RUNDC3B: variants seen among roughly 807,000 people sequenced by gnomAD.
RUNDC3B encodes the protein RUN domain-containing protein 3B.
In RUNDC3B, 33 loss-of-function variants were observed where a neutral mutation model predicts 58.4. That is an observed-to-expected ratio of 0.56 (90% CI 0.43 to 0.75). The LOEUF is 0.75. Among genes scored for constraint, RUNDC3B ranks in the 30% least tolerant of loss-of-function variants. The probability of loss-of-function intolerance (pLI) is 0.00; values close to 1 mark genes in which losing one functional copy is unlikely to be tolerated. For synonymous variants in RUNDC3B, 193 were observed against 195.2 expected, an observed-to-expected ratio of 0.99 and a Z score of 0.10; for missense variants, 501 against 535.7, an observed-to-expected ratio of 0.94 and a Z score of 0.64.
intron 2 of RUNDC3B, among the ~76,000 whole-genome samples, chr7:87,695,301 A>G (rs1828403394): frequency 2.0e-5 from 3 of 152,108 alleles, no homozygotes; most frequent in Admixed American, 2.0e-4. Context: ...TTTTTAAAGG[A>G]AAAGTTTCTG....
intron 4 of RUNDC3B, among the ~76,000 whole-genome samples, chr7:87,714,119 C>A (rs187658098): frequency 4.6e-5 from 7 of 152,232 alleles, no homozygotes; most frequent in Admixed American, 4.6e-4. Flanking sequence ...TAACCAAAAT[C>A]TTTTAAGAGT....
rs75906830 is a variant in RUNDC3B at position 87,798,844 on chromosome 7, T to C, written c.957-8529T>C. On this transcript the variant is annotated intron_variant, in intron 8 of 10. Transcript: ENST00000394654. ...TGGGCAAGAATATTTCATTGGTAAA[T>C]AGGTAAATAGCATAATTTTTGGACA... Among the ~76,000 whole-genome samples, 411 of 152,306 alleles carry C rather than the reference T, an allele frequency of 2.7e-3. 2 individuals carry two copies. The highest frequency in any genetic ancestry group is 9.4e-3 in the African/African-American group (392 of 41,554).
chr7:87,818,092 C>T (rs1050971646), intron 10 of RUNDC3B, among the ~76,000 whole-genome samples: 1 of 151,892 alleles, frequency 6.6e-6, no homozygotes, highest in African/African-American at 2.4e-5. Context: ...CTGTCATAAT[C>T]CATAATGAGT....
intron 10 of RUNDC3B, among the ~76,000 whole-genome samples, chr7:87,818,211 C>G (rs1341094489): frequency 6.6e-6 from 1 of 151,964 alleles, no homozygotes; most frequent in African/African-American, 2.4e-5. Context: ...ATTTTGATAT[C>G]AACAGGACAA....
intron 2 of RUNDC3B, among the ~76,000 whole-genome samples, chr7:87,655,483 C>G (rs546850831): frequency 1.1e-4 from 16 of 152,104 alleles, no homozygotes; most frequent in African/African-American, 2.7e-4. Flanking sequence ...AAGACAAATA[C>G]TGCATGACTT....
At chr7:87,817,877 G>A (rs1837156784) in intron 10 of RUNDC3B, among the ~76,000 whole-genome samples, 1 of 152,098 alleles carries the variant, frequency 6.6e-6, no homozygotes, top group African/African-American at 2.4e-5. Context: ...AACATTTATT[G>A]ATCAAGTAAC....
At chr7:87,683,426 C>T (rs967171076) in intron 2 of RUNDC3B, among the ~76,000 whole-genome samples, 1 of 152,144 alleles carries the variant, frequency 6.6e-6, no homozygotes, top group African/African-American at 2.4e-5. Flanking sequence ...TAAGATTAAT[C>T]GTGTACAGCT....
intron 2 of RUNDC3B, among the ~76,000 whole-genome samples, chr7:87,667,264 C>A (rs1288402308): frequency 1.3e-5 from 2 of 152,054 alleles, no homozygotes; most frequent in East Asian, 3.9e-4. Context: ...AGTGGGATTG[C>A]CATTCTGATT....
At chr7:87,774,511 T>C (rs957955531) in intron 7 of RUNDC3B, among the ~76,000 whole-genome samples, 1 of 152,110 alleles carries the variant, frequency 6.6e-6, no homozygotes, top group South Asian at 2.1e-4. Flanking sequence ...GCACAGATAA[T>C]CTTAAGAATG....
rs1836495120 is a variant in RUNDC3B at position 87,807,435 on chromosome 7, A to G, written c.1019A>G (p.Gln340Arg). The G allele has an allele frequency of 8.7e-6, 14 of 1,613,724 alleles. No homozygotes were observed. The highest frequency in any genetic ancestry group is 1.2e-5 in the Non-Finnish European group (14 of 1,179,676). The change falls in exon 9 of 11, where the codon CAG becomes CGG. Residue 340 changes from glutamine to arginine, a missense_variant. By Grantham distance (43) the Gln-to-Arg change is conservative (BLOSUM62 1). Transcript: ENST00000394654. Reference protein sequence around the residue: ...RQELTAHLTNQWPSPGALDVN... With the variant: ...RQELTAHLTNRWPSPGALDVN... ...GAGTTAACTGCCCATCTCACCAACC[A>G]GTGGCCTTCTCCAGGAGCTCTGGAT...
chr7:87,772,533 G>A (rs903085692), intron 7 of RUNDC3B, among the ~76,000 whole-genome samples: 1 of 152,174 alleles, frequency 6.6e-6, no homozygotes, highest in African/African-American at 2.4e-5. Context: ...TGAGGTCTTT[G>A]TAATATAGTG....
intron 3 of RUNDC3B, among the ~76,000 whole-genome samples, chr7:87,703,535 C>G (rs533151343): frequency 1.3e-5 from 2 of 152,238 alleles, no homozygotes; most frequent in East Asian, 3.9e-4. Context: ...AATCTTCAAC[C>G]AAGGGGTTGT....
chr7:87,633,479 C>T (rs1821429409), intron 1 of RUNDC3B, among the ~76,000 whole-genome samples: 1 of 152,092 alleles, frequency 6.6e-6, no homozygotes, highest in African/African-American at 2.4e-5. Flanking sequence ...CTAAGTGGCC[C>T]CAGAAGATTA....
chr7:87,671,810 A>T (rs1392425004), intron 2 of RUNDC3B, among the ~76,000 whole-genome samples: 1 of 152,122 alleles, frequency 6.6e-6, no homozygotes, highest in Non-Finnish European at 1.5e-5. Flanking sequence ...CTGAAACCTG[A>T]AGGCTGGAAA....
At chr7:87,653,289 A>G (rs1823761259) in intron 2 of RUNDC3B, among the ~76,000 whole-genome samples, 1 of 152,036 alleles carries the variant, frequency 6.6e-6, no homozygotes, top group Non-Finnish European at 1.5e-5. Context: ...TACCACTCTA[A>G]TAAAAGCCAC....
At chr7:87,826,187 G>A (rs557561308) in intron 10 of RUNDC3B, among the ~76,000 whole-genome samples, 19 of 152,202 alleles carry the variant, frequency 1.2e-4, no homozygotes, top group African/African-American at 3.6e-4. Context: ...CAATTCCCAC[G>A]TCATGGGAGG....
chr7:87,803,546 C>G (rs1021521452), intron 8 of RUNDC3B, among the ~76,000 whole-genome samples: 2 of 152,082 alleles, frequency 1.3e-5, no homozygotes, highest in Non-Finnish European at 2.9e-5. Context: ...AGAGGAGATT[C>G]CTCAAGGATC....
At chr7:87,807,232 T>C in intron 8 of RUNDC3B, 141 bp from the exon 9 acceptor site, 1 of 650,680 alleles carries the variant, frequency 1.5e-6, no homozygotes, top group Non-Finnish European at 2.6e-6. Flanking sequence ...GTCCCAACCA[T>C]CCTTGCTGTA....
intron 6 of RUNDC3B, among the ~76,000 whole-genome samples, chr7:87,754,079 A>C (rs1481147809): frequency 6.6e-6 from 1 of 152,202 alleles, no homozygotes; most frequent in East Asian, 1.9e-4. Flanking sequence ...GCTTGTGCTG[A>C]AAAGGGCTTT....
Sources: allele counts gnomAD v4.1 joint callset (sites outside exome capture counted in the v4.1 genomes callset), GRCh38; gene constraint gnomAD v4.1.1; transcripts MANE v1.5; gene names NCBI Gene and HGNC (gene_info 2026-07-23, HGNC 2026-07-21).